Variants in KCNIP4 observed in about 807,000 individuals in gnomAD.
The protein encoded by KCNIP4 is potassium voltage-gated channel interacting protein 4.
KCNIP4 carries 12 observed loss-of-function variants against 34.0 expected under a neutral mutation model. The ratio of observed to expected loss-of-function variants is 0.35; its 90% CI spans 0.23 to 0.57. KCNIP4 has a LOEUF of 0.57. Ranked by LOEUF, KCNIP4 falls within the 20% of genes least tolerant of loss-of-function variation. The probability of loss-of-function intolerance (pLI) is 0.83; values close to 1 mark genes in which losing one functional copy is unlikely to be tolerated. For synonymous variants in KCNIP4, 124 were observed against 102.2 expected (o/e 1.21, Z -1.29); for missense variants, 238 against 311.7 (o/e 0.76, Z 1.78).
intron 1 of KCNIP4, among the ~76,000 whole-genome samples, chr4:21,923,147 C>T (rs1468330306): frequency 2.6e-5 from 4 of 152,196 alleles, no homozygotes; most frequent in South Asian, 2.1e-4. Context: ...CTGCCCATGT[C>T]CCATGGCTTC....
chr4:20,859,822 CT>C (rs1722003638), intron 2 of KCNIP4, among the ~76,000 whole-genome samples: 2 of 152,158 alleles, frequency 1.3e-5, no homozygotes, highest in Non-Finnish European at 2.9e-5. Context: ...TGAGTCCTAC[CT>C]TTTGACGACA....
intron 3 of KCNIP4, among the ~76,000 whole-genome samples, chr4:20,762,485 C>A (rs181270780): frequency 6.6e-6 from 1 of 152,054 alleles, no homozygotes; most frequent in Non-Finnish European, 1.5e-5. Flanking sequence ...TTTTTTAAAC[C>A]TTCAGGTGAG....
chr4:20,825,669 G>T (rs1341831403), intron 3 of KCNIP4, among the ~76,000 whole-genome samples: 1 of 152,234 alleles, frequency 6.6e-6, no homozygotes, highest in Non-Finnish European at 1.5e-5. Flanking sequence ...GCTCCAGTGA[G>T]AGGTGTGGGC....
At chr4:21,077,143 A>C (rs1447366812) in intron 1 of KCNIP4, among the ~76,000 whole-genome samples, 3 of 151,918 alleles carry the variant, frequency 2.0e-5, no homozygotes, top group African/African-American at 7.2e-5. Context: ...AAATAAAATA[A>C]ATTAAATAAA....
intron 1 of KCNIP4, among the ~76,000 whole-genome samples, chr4:21,411,343 C>T (rs1487884422): frequency 1.3e-5 from 2 of 152,050 alleles, no homozygotes; most frequent in Non-Finnish European, 2.9e-5. Flanking sequence ...CAATATTTGG[C>T]CAGTGAGTTG....
At chr4:21,659,969 T>A (rs115575848) in intron 1 of KCNIP4, among the ~76,000 whole-genome samples, 232 of 152,304 alleles carry the variant, frequency 1.5e-3, no homozygotes, top group African/African-American at 5.3e-3. Flanking sequence ...ATTTTAGCTA[T>A]AGGTTAATCA....
At chr4:21,580,089 A>C (rs1003817694) in intron 1 of KCNIP4, among the ~76,000 whole-genome samples, 8 of 152,136 alleles carry the variant, frequency 5.3e-5, no homozygotes, top group Non-Finnish European at 7.4e-5. Flanking sequence ...ATGTCTATAT[A>C]CCACTGAATT....
chr4:21,624,445 C>T (rs981086905), intron 1 of KCNIP4, among the ~76,000 whole-genome samples: 3 of 152,114 alleles, frequency 2.0e-5, no homozygotes, highest in Admixed American at 1.3e-4. Context: ...AGATGACCTT[C>T]GACCTTGATT....
intron 1 of KCNIP4, among the ~76,000 whole-genome samples, chr4:21,109,740 C>G (rs1054952936): frequency 2.0e-5 from 3 of 152,174 alleles, no homozygotes; most frequent in Non-Finnish European, 2.9e-5. Context: ...ATTTGGCCAT[C>G]TTGGCTGCCC....
At chr4:21,258,734 CTCTT>C (rs926502129) in intron 1 of KCNIP4, among the ~76,000 whole-genome samples, 2 of 152,084 alleles carry the variant, frequency 1.3e-5, no homozygotes, top group African/African-American at 4.8e-5. Flanking sequence ...TTATCTGTCT[CTCTT>C]TATTTTAAAA....
intron 1 of KCNIP4, among the ~76,000 whole-genome samples, chr4:21,545,851 C>T (rs142073335): frequency 0.012 from 1,794 of 152,150 alleles, 34 homozygotes; most frequent in African/African-American, 0.037. Context: ...CATACGTGTG[C>T]GTGTGTCTTT....
intron 1 of KCNIP4, chr4:21,304,426 G>C (rs1391238241): frequency 6.6e-6 from 1 of 152,474 alleles, no homozygotes; most frequent in Non-Finnish European, 1.5e-5. Context: ...TGCGCGCCGC[G>C]CCGCCGCCAC....
chr4:21,407,715 A>G (rs1274781238), intron 1 of KCNIP4, among the ~76,000 whole-genome samples: 1 of 152,238 alleles, frequency 6.6e-6, no homozygotes, highest in Non-Finnish European at 1.5e-5. Flanking sequence ...AAAATTTACA[A>G]GTATACATTC....
chr4:20,874,286 C>A (rs531144324), intron 2 of KCNIP4, among the ~76,000 whole-genome samples: 1 of 152,144 alleles, frequency 6.6e-6, no homozygotes, highest in Non-Finnish European at 1.5e-5. Context: ...AGAGTTATCA[C>A]GTTCAACTTT....
At chr4:21,019,156 TTTG>T (rs941269141) in intron 1 of KCNIP4, among the ~76,000 whole-genome samples, 1 of 152,088 alleles carries the variant, frequency 6.6e-6, no homozygotes, top group African/African-American at 2.4e-5. Context: ...TCTATTCTTT[TTTG>T]TTGTTGTTGT....
intron 1 of KCNIP4, among the ~76,000 whole-genome samples, chr4:21,488,538 A>T (rs781738364): frequency 1.3e-5 from 2 of 152,182 alleles, no homozygotes; most frequent in Non-Finnish European, 2.9e-5. Flanking sequence ...ATGGCTAAAA[A>T]AAACCTCTAT....
At chr4:21,928,377 A>T (rs1465428430) in intron 1 of KCNIP4, among the ~76,000 whole-genome samples, 2 of 152,102 alleles carry the variant, frequency 1.3e-5, no homozygotes, top group Non-Finnish European at 2.9e-5. Flanking sequence ...ATAGATTAAA[A>T]TACATAAAAC....
intron 1 of KCNIP4, among the ~76,000 whole-genome samples, chr4:21,619,866 A>G (rs1009508674): frequency 6.6e-6 from 1 of 152,240 alleles, no homozygotes; most frequent in Non-Finnish European, 1.5e-5. Context: ...TTAGTAGATC[A>G]CAATTGCAGC....
chr4:21,753,436 T>A (rs1162228670), intron 1 of KCNIP4, among the ~76,000 whole-genome samples: 1 of 152,088 alleles, frequency 6.6e-6, no homozygotes, highest in East Asian at 1.9e-4. Context: ...ATAGCATGAG[T>A]TTTCAGATCT....
Sources: gnomAD v4.1 joint callset for allele counts (sites outside exome capture counted in the v4.1 genomes callset) on GRCh38, gnomAD v4.1.1 for gene constraint, MANE v1.5 for transcripts, NCBI Gene and HGNC (gene_info 2026-07-23, HGNC 2026-07-21) for gene names.